The following KAZN variants were observed in gnomAD, a reference collection of about 807,000 sequenced individuals.
The protein encoded by KAZN is kazrin.
In KAZN, 40 loss-of-function variants were observed where a neutral mutation model predicts 87.4. The ratio of observed to expected loss-of-function variants is 0.46; its 90% CI spans 0.36 to 0.60. The LOEUF (loss-of-function observed/expected upper bound fraction) is 0.60. Ranked by LOEUF, KAZN falls within the 20% of genes least tolerant of loss-of-function variation. The pLI is 0.00. For synonymous variants in KAZN, 466 were observed against 458.3 expected, an observed-to-expected ratio of 1.02 and a Z score of -0.22; for missense variants, 898 against 1,073.9, an observed-to-expected ratio of 0.84 and a Z score of 2.29.
rs200277057 is a variant in KAZN at position 14,147,661 on chromosome 1, C to T, written c.92-32774C>T. Among the ~76,000 whole-genome samples the T allele has an allele frequency of 9.9e-5, 15 of 151,854 alleles. No individual in the cohort carries two copies. The South Asian group carries it at 1.7e-3, about 17-fold the overall frequency. On this transcript the variant is annotated intron_variant, in intron 1 of 16. Transcript: ENST00000636203. ...ATATATAAAAATTAGCTGGGCATGG[C>T]GGCACGCACCTGTAGTCCCAGCTAC...
chr1:14,624,908 G>A (rs1451133641), intron 1 of KAZN, among the ~76,000 whole-genome samples: 1 of 152,062 alleles, frequency 6.6e-6, no homozygotes, highest in African/African-American at 2.4e-5. Flanking sequence ...TACCCTGCTT[G>A]ATCTCACTAG....
chr1:14,496,388 G>T (rs1339875404), intron 2 of KAZN, among the ~76,000 whole-genome samples: 6 of 152,136 alleles, frequency 3.9e-5, no homozygotes, highest in African/African-American at 1.4e-4. Context: ...GTTGTTGGGG[G>T]TGCTTGTGCA....
rs116600476 is a variant in KAZN, at chr1:14,215,899, G to A, written c.249+35307G>A. Reference sequence around the variant, plus strand: ...ATTAATGTTCATCCAACTTCTACAGGAATAATGTCTTTAATTATATTTCTT... The same window carrying A: ...ATTAATGTTCATCCAACTTCTACAGAAATAATGTCTTTAATTATATTTCTT... On this transcript the variant is annotated intron_variant, in intron 2 of 16. Coordinates refer to the KAZN transcript ENST00000636203. Among the ~76,000 whole-genome samples, 1,083 of 152,170 alleles carry A rather than the reference G, an allele frequency of 7.1e-3. 6 individuals are homozygous for A. The highest frequency in any genetic ancestry group is 0.048 in the Middle Eastern group (14 of 294).
chr1:14,924,414 C>T, intron 1 of KAZN: 1 of 988,180 alleles, frequency 1.0e-6, no homozygotes, highest in Non-Finnish European at 1.2e-6. Context: ...CAGCTCGCGG[C>T]GCAGGGCGAG....
chr1:14,219,927 A>T (rs1339364), intron 2 of KAZN, among the ~76,000 whole-genome samples: 45,892 of 152,092 alleles, frequency 0.3, 7,109 homozygotes, highest in East Asian at 0.48. Context: ...TCTGAAGGCC[A>T]TTGATCATCT....
intron 1 of KAZN, among the ~76,000 whole-genome samples, chr1:14,903,400 G>A (rs1387833854): frequency 6.6e-6 from 1 of 152,212 alleles, no homozygotes; most frequent in Non-Finnish European, 1.5e-5. Flanking sequence ...TTTCAGGTGG[G>A]CACACTGGGG....
chr1:14,998,201 C>G (rs1668096871), intron 2 of KAZN, among the ~76,000 whole-genome samples: 1 of 152,154 alleles, frequency 6.6e-6, no homozygotes, highest in African/African-American at 2.4e-5. Flanking sequence ...TTCACTGATT[C>G]CCTGATGGTT....
At chr1:14,756,808 C>G (rs1272694584) in intron 1 of KAZN, among the ~76,000 whole-genome samples, 3 of 151,946 alleles carry the variant, frequency 2.0e-5, no homozygotes, top group Non-Finnish European at 4.4e-5. Context: ...GAAAGAAGAA[C>G]AATTAATCTC....
intron 2 of KAZN, among the ~76,000 whole-genome samples, chr1:14,357,363 T>C (rs1429897817): frequency 1.3e-5 from 2 of 152,232 alleles, no homozygotes; most frequent in Non-Finnish European, 2.9e-5. Flanking sequence ...TCATGTCATC[T>C]GCAAACAGAG....
chr1:14,297,325 G>A (rs1393759725), intron 2 of KAZN, among the ~76,000 whole-genome samples: 2 of 152,232 alleles, frequency 1.3e-5, no homozygotes. Flanking sequence ...AGGGAGGCAT[G>A]AATGGGTCCA....
chr1:15,097,656 T>C (rs1640859199), intron 10 of KAZN, among the ~76,000 whole-genome samples: 1 of 152,096 alleles, frequency 6.6e-6, no homozygotes. Context: ...CTGTCTCTAC[T>C]AAAAATAGAA....
intron 1 of KAZN, among the ~76,000 whole-genome samples, chr1:13,976,749 C>A (rs1169737109): frequency 6.6e-6 from 1 of 151,856 alleles, no homozygotes; most frequent in Non-Finnish European, 1.5e-5. Flanking sequence ...AAGTGTGTAT[C>A]GATGCATCCA....
intron 2 of KAZN, among the ~76,000 whole-genome samples, chr1:14,346,762 C>A (rs1048102637): frequency 1.3e-5 from 2 of 152,074 alleles, no homozygotes; most frequent in Middle Eastern, 3.2e-3. Context: ...TGCATATGCA[C>A]TAAGATTTAC....
At chr1:14,998,407 C>T (rs948469729) in intron 2 of KAZN, among the ~76,000 whole-genome samples, 3 of 151,476 alleles carry the variant, frequency 2.0e-5, no homozygotes, top group Non-Finnish European at 2.9e-5. Flanking sequence ...GTGTATGTGG[C>T]GGGGGGACTT....
At chr1:14,946,318 T>TC (rs1172037465) in intron 1 of KAZN, 2 of 144,980 alleles carry the variant, frequency 1.4e-5, no homozygotes, top group African/African-American at 5.3e-5. Flanking sequence ...AAATTCTCTC[T>TC]CTCTTTTTTT....
intron 1 of KAZN, among the ~76,000 whole-genome samples, chr1:14,771,221 C>T (rs1357966319): frequency 2.0e-5 from 3 of 152,134 alleles, no homozygotes; most frequent in Non-Finnish European, 2.9e-5. Flanking sequence ...AGTACTGCCC[C>T]GAACTCCTGT....
At chr1:14,850,021 C>T (rs768412806) in intron 1 of KAZN, among the ~76,000 whole-genome samples, 3 of 148,808 alleles carry the variant, frequency 2.0e-5, no homozygotes, top group African/African-American at 7.5e-5. Context: ...TTGCAACCTC[C>T]GCCTCCCAAG....
rs764832842 is a variant in KAZN at position 13,906,426 on chromosome 1, G to A, written c.91+12670G>A. 3.9e-5 allele frequency among the ~76,000 whole-genome samples: 6 copies of A among 152,272 alleles called. No homozygotes were observed. The East Asian group carries it at 7.7e-4, about 20-fold the overall frequency. ...AGGCAGGAGTTGGAGATGTTGAGGC[G>A]TAGGTGCTTATAGGTGTGAGGAAAT... On this transcript the variant is annotated intron_variant, in intron 1 of 16. Coordinates refer to the KAZN transcript ENST00000636203.
intron 1 of KAZN, among the ~76,000 whole-genome samples, chr1:13,982,575 T>A: frequency 6.6e-6 from 1 of 152,260 alleles, no homozygotes; most frequent in Non-Finnish European, 1.5e-5. Context: ...TCGGGCAGCC[T>A]GCTTTTATTC....
Sources: allele counts gnomAD v4.1 joint callset (sites outside exome capture counted in the v4.1 genomes callset), GRCh38; gene constraint gnomAD v4.1.1; transcripts MANE v1.5; gene names NCBI Gene and HGNC (gene_info 2026-07-23, HGNC 2026-07-21).